The following TBCK variants were observed in gnomAD, a reference collection of about 807,000 sequenced individuals.
TBCK encodes TBC domain-containing protein kinase-like protein.
Under a neutral mutation model 113.4 loss-of-function variants are expected in TBCK, and 99 were observed. That is an observed-to-expected ratio of 0.87 (90% CI 0.74 to 1.03). The LOEUF (loss-of-function observed/expected upper bound fraction) is 1.03. Ranked by LOEUF, TBCK falls within the 50% of genes least tolerant of loss-of-function variation. The pLI is 0.00. For missense variants in TBCK, 1,045 were observed against 1,061.3 expected (o/e 0.98, Z 0.21); for synonymous variants, 369 against 370.8 (o/e 1.00, Z 0.05).
intron 19 of TBCK, among the ~76,000 whole-genome samples, chr4:106,217,606 C>T (rs1757119310): frequency 6.6e-6 from 1 of 151,230 alleles, no homozygotes; most frequent in Non-Finnish European, 1.5e-5. Context: ...CATGAGTGAA[C>T]TCCCATTCAC....
intron 2 of TBCK, among the ~76,000 whole-genome samples, chr4:106,306,890 T>C (rs781733530): frequency 1.3e-5 from 2 of 152,198 alleles, no homozygotes; most frequent in African/African-American, 2.4e-5. Flanking sequence ...CCTTGAACAG[T>C]AAAAGAAGTC....
At chr4:106,087,808 A>T (rs1408437689) in intron 25 of TBCK, among the ~76,000 whole-genome samples, 1 of 152,228 alleles carries the variant, frequency 6.6e-6, no homozygotes, top group Non-Finnish European at 1.5e-5. Context: ...GTCTACAACC[A>T]TCTGATCTTC....
In TBCK at chr4:106,044,989, G is replaced by A. The variant is rs1484437317; in HGVS notation, c.*1581C>T. The A allele has an allele frequency of 6.6e-6, 1 of 151,502 alleles. No individual in the cohort carries two copies. The highest frequency in any genetic ancestry group is 1.5e-5 in the Non-Finnish European group (1 of 67,942). 9.4% of individuals were successfully genotyped at this position (151,502 alleles called of 1,614,324 possible). On this transcript the variant is annotated 3_prime_UTR_variant, in exon 26 of 26. Coordinates refer to ENST00000394708, the MANE Select transcript of TBCK (RefSeq NM_001163435.3). ...TAAAACAAAATTGAAGATAATTAAA[G>A]GATATGCTATATTTCATATATATGA...
chr4:106,311,768 T>A (rs1489366090), intron 1 of TBCK, among the ~76,000 whole-genome samples: 1 of 152,136 alleles, frequency 6.6e-6, no homozygotes, highest in Admixed American at 6.5e-5. Context: ...ACATATTTCA[T>A]AATTAAAAGA....
At chr4:106,211,668 T>G (rs900872090) in intron 20 of TBCK, among the ~76,000 whole-genome samples, 1 of 152,062 alleles carries the variant, frequency 6.6e-6, no homozygotes, top group African/African-American at 2.4e-5. Flanking sequence ...ATAATATAGT[T>G]TTAGGAAGTT....
At chr4:106,261,722 A>G (rs1762526894) in intron 4 of TBCK, among the ~76,000 whole-genome samples, 1 of 152,118 alleles carries the variant, frequency 6.6e-6, no homozygotes, top group Non-Finnish European at 1.5e-5. Flanking sequence ...AGAAAACACA[A>G]TGCAGTTGGT....
At chr4:106,209,594 C>T (rs1050454519) in intron 20 of TBCK, among the ~76,000 whole-genome samples, 1 of 152,200 alleles carries the variant, frequency 6.6e-6, no homozygotes, top group East Asian at 1.9e-4. Flanking sequence ...ATTTACACTG[C>T]CCTCCACATC....
intron 15 of TBCK, 93 bp from the exon 16 acceptor site, chr4:106,233,743 G>C: frequency 9.7e-7 from 1 of 1,029,450 alleles, no homozygotes; most frequent in Non-Finnish European, 1.4e-6. Context: ...ATCTATCTTT[G>C]GAAACCTACC....
intron 22 of TBCK, among the ~76,000 whole-genome samples, chr4:106,184,180 G>A (rs2082928177): frequency 6.6e-6 from 1 of 151,918 alleles, no homozygotes; most frequent in African/African-American, 2.4e-5. Flanking sequence ...AAATCTAGCT[G>A]CCCCGTAATA....
At chr4:106,067,358 A>T (rs1357242873) in intron 25 of TBCK, among the ~76,000 whole-genome samples, 1 of 152,142 alleles carries the variant, frequency 6.6e-6, no homozygotes, top group East Asian at 1.9e-4. Context: ...GTTGTTAGTG[A>T]ATAGAAATAC....
chr4:106,164,709 A>G (rs928247946), intron 23 of TBCK, among the ~76,000 whole-genome samples: 1 of 151,816 alleles, frequency 6.6e-6, no homozygotes. Flanking sequence ...GGTACCTGAA[A>G]ATCATAAAGC....
At chr4:106,258,940 G>T (rs183077466) in intron 5 of TBCK, among the ~76,000 whole-genome samples, 1 of 151,804 alleles carries the variant, frequency 6.6e-6, no homozygotes, top group South Asian at 2.1e-4. Flanking sequence ...TATGAAACAA[G>T]AATTGGTTTT....
In TBCK at chr4:106,230,310, C is replaced by A. The variant is rs572312798; in HGVS notation, c.1774+53G>T. On this transcript the variant is annotated intron_variant, in intron 19 of 25. Coordinates refer to ENST00000394708, the MANE Select transcript of TBCK (RefSeq NM_001163435.3). ...AATTTAATCAAATATTACATCAGCA[C>A]ACCAGTACATCAGTAGTTTCTCTGT... 4 of 1,161,910 alleles carry A rather than the reference C, an allele frequency of 3.4e-6. No individual in the cohort carries two copies. In the East Asian group the frequency reaches 1.0e-4, roughly 29 times the overall value. The allele number at this position is 1,161,910 out of a possible 1,614,324, so 72.0% of individuals were successfully genotyped here. A position where few individuals can be genotyped will look rare whatever the true frequency, so the allele number is the denominator to read the frequency against.
At chr4:106,152,165 C>G (rs1748569603) in intron 23 of TBCK, among the ~76,000 whole-genome samples, 1 of 151,840 alleles carries the variant, frequency 6.6e-6, no homozygotes, top group Admixed American at 6.6e-5. Context: ...CATTCTTGAT[C>G]TTAGAGGAAA....
At chr4:106,176,697 A>C (rs1751705098) in intron 22 of TBCK, among the ~76,000 whole-genome samples, 1 of 152,008 alleles carries the variant, frequency 6.6e-6, no homozygotes, top group Non-Finnish European at 1.5e-5. Context: ...ACATATATCC[A>C]GCAGTGGGAA....
intron 7 of TBCK, 145 bp downstream of exon 7, chr4:106,250,273 C>T (rs1352820558): frequency 3.8e-6 from 2 of 529,680 alleles, no homozygotes; most frequent in Non-Finnish European, 6.7e-6. Context: ...TTCTGCTGAT[C>T]ATTACCACTG....
At chr4:106,076,600 C>T (rs1220750951) in intron 25 of TBCK, among the ~76,000 whole-genome samples, 5 of 152,054 alleles carry the variant, frequency 3.3e-5, no homozygotes, top group Admixed American at 6.6e-5. Flanking sequence ...AAGAAAAAAT[C>T]GTATAGGTAA....
chr4:106,107,524 C>T (rs907994209), intron 24 of TBCK, among the ~76,000 whole-genome samples: 1 of 152,146 alleles, frequency 6.6e-6, no homozygotes. Context: ...AAACAACATG[C>T]TCCCGATTGA....
At chr4:106,092,292 G>A (rs1360665401) in intron 25 of TBCK, among the ~76,000 whole-genome samples, 1 of 152,244 alleles carries the variant, frequency 6.6e-6, no homozygotes, top group Admixed American at 6.5e-5. Flanking sequence ...TAGACATAAA[G>A]GTTCTCCAAG....
Sources: allele counts gnomAD v4.1 joint callset (sites outside exome capture counted in the v4.1 genomes callset), GRCh38; gene constraint gnomAD v4.1.1; transcripts MANE v1.5; gene names NCBI Gene and HGNC (gene_info 2026-07-23, HGNC 2026-07-21).